The following CCDC144A variants were observed in gnomAD, a reference collection of about 807,000 sequenced individuals.
The protein encoded by CCDC144A is coiled-coil domain-containing protein 144A.
Under a neutral mutation model 143.8 loss-of-function variants are expected in CCDC144A, and 41 were observed. The observed-to-expected ratio is 0.29, with a 90% CI of 0.22 to 0.37. CCDC144A has a LOEUF of 0.37. CCDC144A is among the 10% of genes least tolerant of loss of function. The pLI is 1.00. For synonymous variants in CCDC144A, 242 were observed against 517.9 expected, an observed-to-expected ratio of 0.47 and a Z score of 7.23; for missense variants, 637 against 1,488.8, an observed-to-expected ratio of 0.43 and a Z score of 9.41.
intron 12 of CCDC144A, among the ~76,000 whole-genome samples, chr17:16,738,185 T>C (rs926397580): frequency 6.7e-6 from 1 of 149,922 alleles, no homozygotes; most frequent in Non-Finnish European, 1.5e-5. Flanking sequence ...ATGTTTTAAT[T>C]TACAAACTAC....
chr17:16,690,851 C>G (rs1410846371), intron 1 of CCDC144A, 107 bp downstream of exon 1: 1 of 1,060,274 alleles, frequency 9.4e-7, no homozygotes, highest in Non-Finnish European at 1.4e-6. Flanking sequence ...GGTCAGGGGC[C>G]CAGGCCTCTT....
At chr17:16,713,301 AAGGTG>A (rs1912555162) in intron 6 of CCDC144A, among the ~76,000 whole-genome samples, 1 of 151,096 alleles carries the variant, frequency 6.6e-6, no homozygotes, top group South Asian at 2.1e-4. Flanking sequence ...TGCTAAAACC[AAGGTG>A]CTGTTATGCA....
intron 6 of CCDC144A, among the ~76,000 whole-genome samples, chr17:16,717,848 GT>G (rs1484403713): frequency 1.2e-4 from 18 of 152,100 alleles, no homozygotes; most frequent in African/African-American, 4.3e-4. Context: ...ATTTTTTAAA[GT>G]TGTGGTTCTG....
chr17:16,754,301 GT>G (rs1914967896), intron 12 of CCDC144A, among the ~76,000 whole-genome samples: 7 of 152,068 alleles, frequency 4.6e-5, no homozygotes, highest in Admixed American at 4.6e-4. Context: ...CTACATTTGA[GT>G]TTTGGGTCTG....
At chr17:16,731,452 G>T in intron 9 of CCDC144A, 1 of 216,532 alleles carries the variant, frequency 4.6e-6, no homozygotes, top group South Asian at 6.8e-5. Flanking sequence ...AACTCTAAAT[G>T]ATCTGTTCTA....
Position 16,732,587 on chromosome 17 carries a change from A to G in CCDC144A, c.2339A>G (p.Asp780Gly), listed in dbSNP as rs1005192233. 1 of 1,610,354 alleles carries G rather than the reference A, an allele frequency of 6.2e-7. No individual in the cohort carries two copies. Among genetic ancestry groups the G allele is most frequent in the Non-Finnish European group, 8.5e-7 (1 of 1,178,792 alleles). The change falls in exon 11 of 17, where the codon GAT becomes GGT. Residue 780 changes from aspartate (D) to glycine (G), a missense_variant. Transcript: ENST00000399273. ...CAGAAGCAACTTTCTGAAGAACAGGATGCCAGAATATTACAAGATCAGATT... is the reference window on the plus strand; with the variant it reads ...CAGAAGCAACTTTCTGAAGAACAGGGTGCCAGAATATTACAAGATCAGATT... ...DAQKQLSEEQ[D>G]ARILQDQILT...
At chr17:16,669,477 A>G in the CCDC144A span, among the ~76,000 whole-genome samples, 1 of 152,254 alleles carries the variant, frequency 6.6e-6, no homozygotes, top group African/African-American at 2.4e-5. Context: ...AGCTTTTGAT[A>G]GCATTTTAAC....
At chr17:16,700,878 AT>A (rs1487867760) in intron 2 of CCDC144A, among the ~76,000 whole-genome samples, 1 of 152,174 alleles carries the variant, frequency 6.6e-6, no homozygotes, top group Non-Finnish European at 1.5e-5. Context: ...ATAAGTTCTG[AT>A]TTAAAATTAG....
Position 16,692,999 on chromosome 17 carries a change from A to C in CCDC144A, c.365A>C (p.Glu122Ala). The C allele has an allele frequency of 6.5e-7, 1 of 1,531,570 alleles. No homozygotes were observed. The highest frequency in any genetic ancestry group is 8.8e-7 in the Non-Finnish European group (1 of 1,139,872). The allele number at this position is 1,531,570 out of a possible 1,614,324, so 94.9% of individuals were successfully genotyped here. The part of the protein sequence containing the change: ...RKKSIQQLVP[E>A]YKEKQTPESL... ...CATAGCATTCAGCAACTAGTTCCTG[A>C]ATATAAGGAAAAACAGACACCTGAA... is the stretch of plus-strand genomic sequence containing the variant. The change falls in exon 2 of 17, where the codon GAA becomes GCA. Residue 122 changes from glutamate (E) to alanine (A), a missense_variant. Glu to Ala is a moderately radical substitution (Grantham distance 107, BLOSUM62 -1). Coordinates refer to ENST00000399273, the MANE Select transcript of CCDC144A (RefSeq NM_001382000.1).
intron 12 of CCDC144A, among the ~76,000 whole-genome samples, chr17:16,751,684 G>T (rs904110817): frequency 6.6e-6 from 1 of 152,256 alleles, no homozygotes; most frequent in Admixed American, 6.5e-5. Flanking sequence ...GGTTGTCTGG[G>T]CTTGGTAGAG....
intron 12 of CCDC144A, among the ~76,000 whole-genome samples, chr17:16,760,142 A>G (rs1056716487): frequency 6.6e-6 from 1 of 152,110 alleles, no homozygotes; most frequent in African/African-American, 2.4e-5. Context: ...GTCAGGTAGA[A>G]GCTGTGTGAC....
At chr17:16,673,178 A>C in the CCDC144A span, among the ~76,000 whole-genome samples, 2 of 151,880 alleles carry the variant, frequency 1.3e-5, no homozygotes, top group Non-Finnish European at 2.9e-5. Context: ...AAATGAGAAC[A>C]GTTTTTACAC....
chr17:16,682,673 C>T, the CCDC144A span, among the ~76,000 whole-genome samples: 1 of 151,860 alleles, frequency 6.6e-6, no homozygotes, highest in Admixed American at 6.6e-5. Context: ...GGAATTCTAT[C>T]AAAGAAAGTT....
In CCDC144A at chr17:16,764,106, T is replaced by A. The variant is rs373902524; in HGVS notation, c.4029T>A (p.Gly1343=). The change falls in exon 15 of 17, where the codon GGT becomes GGA. Residue 1343 remains glycine, a synonymous_variant. Coordinates refer to ENST00000399273, the MANE Select transcript of CCDC144A (RefSeq NM_001382000.1). The part of the protein sequence containing the change: ...PCVGNLNDSE[G]LNRKHIPRKK... ...TTGGAAATCTTAATGATAGTGAAGGTCTCAACAGAAAACATATTCCAAGAA... is the reference window on the plus strand; with the variant it reads ...TTGGAAATCTTAATGATAGTGAAGGACTCAACAGAAAACATATTCCAAGAA... The A allele has an allele frequency of 6.2e-7, 1 of 1,613,544 alleles. No homozygotes were observed. The highest frequency in any genetic ancestry group is 2.2e-5 in the East Asian group (1 of 44,846).
chr17:16,752,366 G>T (rs1597584119), intron 12 of CCDC144A, among the ~76,000 whole-genome samples: 1 of 152,190 alleles, frequency 6.6e-6, no homozygotes, highest in East Asian at 1.9e-4. Flanking sequence ...CCAGCACCTG[G>T]TGCCAGAAAG....
In CCDC144A at chr17:16,708,891, G is replaced by T. The variant is rs1912211774; in HGVS notation, c.834G>T (p.Met278Ile). ...CTCATGTGCAAAAATCTGAGGAAAT[G>T]TGGATTGAACAAGGCAAATTAGAGT... ...VLPHVQKSEE[M>I]WIEQGKLEWK... Residue 278 changes from methionine (M) to isoleucine (I), a missense_variant, in exon 5 of 17, where the codon ATG (methionine) becomes ATT (isoleucine). Met to Ile is a conservative substitution (Grantham distance 10). Coordinates refer to ENST00000399273, the MANE Select transcript of CCDC144A (RefSeq NM_001382000.1). The T allele has an allele frequency of 2.5e-6, 4 of 1,611,742 alleles. No individual in the cohort carries two copies. Among genetic ancestry groups the T allele is most frequent in the Non-Finnish European group, 3.4e-6 (4 of 1,179,704 alleles).
At chr17:16,727,872 G>A in intron 9 of CCDC144A, 132 bp downstream of exon 9, 2 of 530,128 alleles carry the variant, frequency 3.8e-6, no homozygotes, top group Non-Finnish European at 6.2e-6. Context: ...GAAATTCTTG[G>A]AAATAATAAA....
chr17:16,714,656 A>T (rs1249861555), intron 6 of CCDC144A, among the ~76,000 whole-genome samples: 2 of 150,280 alleles, frequency 1.3e-5, no homozygotes, highest in Non-Finnish European at 3.0e-5. Context: ...TTTTTTTTTT[A>T]AAGAAACCTC....
At chr17:16,768,007 A>C (rs1195297813) in intron 15 of CCDC144A, among the ~76,000 whole-genome samples, 1 of 152,272 alleles carries the variant, frequency 6.6e-6, no homozygotes, top group Non-Finnish European at 1.5e-5. Flanking sequence ...AATTATTACC[A>C]CACCAATTCA....
Sources: gnomAD v4.1 joint callset for allele counts (sites outside exome capture counted in the v4.1 genomes callset) on GRCh38, gnomAD v4.1.1 for gene constraint, MANE v1.5 for transcripts, NCBI Gene and HGNC (gene_info 2026-07-23, HGNC 2026-07-21) for gene names.